The following PXYLP1 variants were observed in gnomAD, a reference collection of about 807,000 sequenced individuals.
The protein encoded by PXYLP1 is 2-phosphoxylose phosphatase 1.
In PXYLP1, 17 loss-of-function variants were observed where a neutral mutation model predicts 37.9. That is an observed-to-expected ratio of 0.45 (90% CI 0.31 to 0.67). The LOEUF (loss-of-function observed/expected upper bound fraction) is 0.67. Ranked by LOEUF, PXYLP1 falls within the 30% of genes least tolerant of loss-of-function variation. The pLI is 0.07. For synonymous variants in PXYLP1, 221 were observed against 232.2 expected (o/e 0.95, Z 0.44); for missense variants, 511 against 612.0 (o/e 0.84, Z 1.74).
At chr3:141,251,978 T>C (rs146486355) in intron 1 of PXYLP1, among the ~76,000 whole-genome samples, 12 of 152,310 alleles carry the variant, frequency 7.9e-5, no homozygotes, top group African/African-American at 2.9e-4. Flanking sequence ...GTTCCTTACA[T>C]ATCTTAACCC....
At chr3:141,236,092 C>T (rs1940652237) in intron 1 of PXYLP1, among the ~76,000 whole-genome samples, 1 of 152,218 alleles carries the variant, frequency 6.6e-6, no homozygotes, top group Non-Finnish European at 1.5e-5. Context: ...CCTTGGCCCA[C>T]AGTCATCTGT....
rs138751230 is a variant in PXYLP1, at chr3:141,273,830, G to A, written c.80-4512G>A. On this transcript the variant is annotated intron_variant, in intron 2 of 5. Coordinates refer to ENST00000286353, the MANE Select transcript of PXYLP1 (RefSeq NM_001037172.3). ...CACACCACAGAGAAATTGCATGCCC[G>A]TTGGTACAGAGTTAATCATCAGTAA... 2.1e-5 allele frequency: 21 copies of A among 985,150 alleles called. No homozygotes were observed. The South Asian group carries it at 2.8e-4, about 13-fold the overall frequency. 61.0% of individuals were successfully genotyped at this position (985,150 alleles called of 1,614,324 possible). A position where few individuals can be genotyped will look rare whatever the true frequency, so the allele number is the denominator to read the frequency against.
At chr3:141,287,775 T>G (rs1247146607) in intron 5 of PXYLP1, among the ~76,000 whole-genome samples, 1 of 152,256 alleles carries the variant, frequency 6.6e-6, no homozygotes, top group Non-Finnish European at 1.5e-5. Flanking sequence ...CCTGTGCTTA[T>G]GCACACACAC....
intron 1 of PXYLP1, among the ~76,000 whole-genome samples, chr3:141,252,530 G>A (rs537879383): frequency 4.0e-4 from 61 of 152,202 alleles, no homozygotes; most frequent in Middle Eastern, 3.4e-3. Context: ...CAGCTCTCAC[G>A]TCAACTAACA....
At chr3:141,255,658 G>A (rs563857814) in intron 1 of PXYLP1, among the ~76,000 whole-genome samples, 2 of 152,342 alleles carry the variant, frequency 1.3e-5, no homozygotes, top group South Asian at 4.1e-4. Flanking sequence ...GATGTCTTGA[G>A]GAGCTGCTAT....
chr3:141,282,295 C>G (rs1941973215), intron 4 of PXYLP1, among the ~76,000 whole-genome samples: 1 of 152,198 alleles, frequency 6.6e-6, no homozygotes, highest in South Asian at 2.1e-4. Flanking sequence ...GCTCTTCCCA[C>G]AGAAAGCTTT....
chr3:141,257,937 G>GAA (rs1462597041), intron 1 of PXYLP1, among the ~76,000 whole-genome samples: 1 of 148,738 alleles, frequency 6.7e-6, no homozygotes, highest in African/African-American at 2.5e-5. Context: ...GAGAGAGAGA[G>GAA]AGAAAGAAAG....
intron 4 of PXYLP1, among the ~76,000 whole-genome samples, chr3:141,285,715 A>G (rs1942060412): frequency 6.6e-6 from 1 of 152,118 alleles, no homozygotes; most frequent in Non-Finnish European, 1.5e-5. Context: ...GGTGCAGAAC[A>G]TTTGACTCCT....
At position 141,278,500 on chromosome 3, in the gene PXYLP1, G is replaced by T; in HGVS notation, c.238G>T (p.Gly80Cys). 3.1e-6 allele frequency: 5 copies of T among 1,614,152 alleles called. No homozygotes were observed. The highest frequency in any genetic ancestry group is 4.2e-6 in the Non-Finnish European group (5 of 1,179,984). Reference sequence around the variant, plus strand: ...CAGCGTGGCCGAGCGCAGCATGGAAGGTAGGCCTGACTGTGCCACCAGGAC... The same window carrying T: ...CAGCGTGGCCGAGCGCAGCATGGAATGTAGGCCTGACTGTGCCACCAGGAC... The part of the protein sequence containing the change: ...IPSVAERSME[G>C]HAPHHFKLVS... Residue 80 changes from glycine to cysteine, a missense_variant and splice_region_variant, in exon 3 of 6, where the codon GGT becomes TGT. Gly to Cys is a radical substitution (Grantham distance 159). Transcript: ENST00000286353.
chr3:141,291,310 G>A (rs2148847169), intron 5 of PXYLP1, among the ~76,000 whole-genome samples: 1 of 152,214 alleles, frequency 6.6e-6, no homozygotes, highest in South Asian at 2.1e-4. Flanking sequence ...GCTTGTTTTT[G>A]TCTTGGGTTG....
intron 2 of PXYLP1, chr3:141,267,354 G>A (rs1486818483): frequency 2.0e-5 from 3 of 152,200 alleles, no homozygotes; most frequent in African/African-American, 4.8e-5. Flanking sequence ...AAGCCCCAAT[G>A]CGCTTCCTCC....
chr3:141,292,509 A>T lies in PXYLP1; in HGVS notation c.747A>T (p.Val249=). ...LFCSGSCYCP[V]RNQYLEKEQR... ...GCTCTGGAAGCTGCTATTGCCCGGT[A>T]AGAAACCAGTATCTGGAAAAGGAGC... The change falls in exon 6 of 6, where the codon GTA becomes GTT. Residue 249 remains valine (V), a synonymous_variant. Transcript: ENST00000286353. The surrounding 1 kb of genome is among the most constrained non-coding windows in gnomAD (Gnocchi z 4.3). 6.2e-7 allele frequency: 1 copy of T among 1,614,222 alleles called. No homozygotes were observed. Among genetic ancestry groups the T allele is most frequent in the South Asian group, 1.1e-5 (1 of 91,084 alleles).
At chr3:141,250,962 A>G (rs946601447) in intron 1 of PXYLP1, among the ~76,000 whole-genome samples, 3 of 152,252 alleles carry the variant, frequency 2.0e-5, no homozygotes, top group African/African-American at 7.2e-5. Context: ...AAAGGTGACC[A>G]CAACAGTGTC....
At chr3:141,285,871 C>A (rs908136385) in intron 4 of PXYLP1, among the ~76,000 whole-genome samples, 3 of 152,202 alleles carry the variant, frequency 2.0e-5, no homozygotes, top group Non-Finnish European at 2.9e-5. Flanking sequence ...GCATAACTCC[C>A]TTTAGCTATC....
intron 4 of PXYLP1, among the ~76,000 whole-genome samples, chr3:141,282,769 G>A (rs1451167146): frequency 1.3e-5 from 2 of 152,220 alleles, no homozygotes; most frequent in Non-Finnish European, 2.9e-5. Flanking sequence ...ATAGGACTTG[G>A]TGGCAGGTTG....
rs76808939 is a variant in PXYLP1 at position 141,256,983 on chromosome 3, C to T, written c.-53-3140C>T. ...GACTAGAAGCAGTCAGGCAGTTACACGATCCCAGCCATCTGGTTAACCTAA... is the reference window on the plus strand; with the variant it reads ...GACTAGAAGCAGTCAGGCAGTTACATGATCCCAGCCATCTGGTTAACCTAA... On this transcript the variant is annotated intron_variant, in intron 1 of 5. Transcript: ENST00000286353. 2.4e-3 allele frequency among the ~76,000 whole-genome samples: 373 copies of T among 152,282 alleles called. 1 individual carries two copies. The East Asian group carries it at 0.028, about 11-fold the overall frequency.
rs72984522 is a variant in PXYLP1, at chr3:141,291,752, T to C, written c.506-516T>C. The C allele has an allele frequency of 7.3e-3, 1,144 of 157,140 alleles. 17 individuals carry two copies. Among genetic ancestry groups the C allele is most frequent in the African/African-American group, 0.026 (1,098 of 41,562 alleles). The allele number at this position is 157,140 out of a possible 1,614,324, so 9.7% of individuals were successfully genotyped here. On this transcript the variant is annotated intron_variant, in intron 5 of 5. Coordinates refer to ENST00000286353, the MANE Select transcript of PXYLP1 (RefSeq NM_001037172.3). ...CAGCAGGTTATCAGAGAACATTCGG[T>C]TGGCAGGCTGGGGAGGATGGGGTCA...
intron 1 of PXYLP1, among the ~76,000 whole-genome samples, chr3:141,238,976 A>C (rs573291795): frequency 1.3e-5 from 2 of 152,074 alleles, no homozygotes; most frequent in East Asian, 3.9e-4. Flanking sequence ...GGCGGAAGAG[A>C]ACCTACGTGT....
chr3:141,235,207 T>C (rs1468576118), intron 1 of PXYLP1: 2 of 152,260 alleles, frequency 1.3e-5, no homozygotes, highest in African/African-American at 4.8e-5. Context: ...TGAAATCCAT[T>C]TGCTGGGCCC....
Sources: allele counts gnomAD v4.1 joint callset (sites outside exome capture counted in the v4.1 genomes callset), GRCh38; gene constraint gnomAD v4.1.1; non-coding constraint Gnocchi (gnomAD v3.1); transcripts MANE v1.5; gene names NCBI Gene and HGNC (gene_info 2026-07-23, HGNC 2026-07-21).